The following PSMD11 variants were observed in gnomAD, a reference collection of about 807,000 sequenced individuals.
PSMD11 encodes proteasome 26S subunit, non-ATPase 11.
In PSMD11, 5 loss-of-function variants were observed where a neutral mutation model predicts 62.3. The ratio of observed to expected loss-of-function variants is 0.08; its 90% CI spans 0.04 to 0.17. PSMD11 has a LOEUF of 0.17. Among genes scored for constraint, PSMD11 ranks in the 10% least tolerant of loss-of-function variants. The probability of loss-of-function intolerance (pLI) is 1.00; values close to 1 mark genes in which losing one functional copy is unlikely to be tolerated. For missense variants in PSMD11, 310 were observed against 512.9 expected (o/e 0.60, Z 3.82); for synonymous variants, 191 against 191.8 (o/e 1.00, Z 0.03).
intron 5 of PSMD11, among the ~76,000 whole-genome samples, chr17:32,467,242 C>CT (rs751751489): frequency 0.014 from 1,657 of 120,504 alleles, 20 homozygotes; most frequent in Non-Finnish European, 0.015. Context: ...CATGCCCGGC[C>CT]TTTTTTTTTT....
intron 3 of PSMD11, among the ~76,000 whole-genome samples, chr17:32,462,517 C>T (rs1311457465): frequency 6.6e-6 from 1 of 152,126 alleles, no homozygotes; most frequent in Non-Finnish European, 1.5e-5. Flanking sequence ...CCAGGGGGCT[C>T]CAGTGAGGAG....
In PSMD11 at chr17:32,481,704, G is replaced by A. The variant is rs1908499441; in HGVS notation, c.*952G>A. On this transcript the variant is annotated 3_prime_UTR_variant, in exon 14 of 14. Transcript: ENST00000261712. Reference sequence around the variant, plus strand: ...GTCAGGCTGTCTGTGAAAGCCATGAGCTTCTCTCCCTCTCCCACTCCTCCT... The same window carrying A: ...GTCAGGCTGTCTGTGAAAGCCATGAACTTCTCTCCCTCTCCCACTCCTCCT... The A allele has an allele frequency of 6.6e-6, 1 of 152,088 alleles. No homozygotes were observed. Among genetic ancestry groups the A allele is most frequent in the Non-Finnish European group, 1.5e-5 (1 of 68,008 alleles). 9.4% of individuals were successfully genotyped at this position (152,088 alleles called of 1,614,324 possible). A position where few individuals can be genotyped will look rare whatever the true frequency, so the allele number is the denominator to read the frequency against.
chr17:32,467,908 G>T (rs974104812), intron 5 of PSMD11, among the ~76,000 whole-genome samples: 1 of 152,178 alleles, frequency 6.6e-6, no homozygotes, highest in African/African-American at 2.4e-5. Context: ...TTGGTGCTCA[G>T]GTGTTAAGCC....
chr17:32,447,280 T>C (rs747638158), intron 2 of PSMD11: 31 of 417,042 alleles, frequency 7.4e-5, no homozygotes, highest in Non-Finnish European at 1.1e-4. Context: ...TAGTGATTTC[T>C]GATTTGTTTC....
chr17:32,480,041 T>A, intron 11 of PSMD11, 105 bp from the exon 12 acceptor site: 2 of 1,496,362 alleles, frequency 1.3e-6, no homozygotes, highest in Non-Finnish European at 1.9e-6. Flanking sequence ...GTTGCTATTT[T>A]GTTTTCAGTC....
chr17:32,477,672 T>A, intron 9 of PSMD11, 89 bp downstream of exon 9: 3 of 1,262,636 alleles, frequency 2.4e-6, no homozygotes, highest in Non-Finnish European at 3.4e-6. Flanking sequence ...ATAATTATAG[T>A]TTCAAAAGAA....
intron 8 of PSMD11, 54 bp from the exon 9 acceptor site, chr17:32,477,467 T>C (rs1210924872): frequency 2.6e-5 from 38 of 1,467,870 alleles, no homozygotes; most frequent in Non-Finnish European, 3.5e-5. Context: ...GAGACTTGGG[T>C]AAATGTTAGT....
rs1395664554 is a variant in PSMD11 at position 32,481,178 on chromosome 17, G to A, written c.*426G>A. On this transcript the variant is annotated 3_prime_UTR_variant, in exon 14 of 14. Transcript: ENST00000261712. The stretch of plus-strand genomic sequence containing the variant: ...ATCAAAAGCAATGACTTTTTATTCT[G>A]TTTGTACTGAACCAAAACAAACAAC... 1 of 153,442 alleles carries A rather than the reference G, an allele frequency of 6.5e-6. No individual in the cohort carries two copies. Among genetic ancestry groups the A allele is most frequent in the East Asian group, 1.9e-4 (1 of 5,220 alleles). 9.5% of individuals were successfully genotyped at this position (153,442 alleles called of 1,614,324 possible).
At chr17:32,480,695 ACCT>A in intron 13 of PSMD11, 55 bp from the exon 14 acceptor site, 6 of 1,555,112 alleles carry the variant, frequency 3.9e-6, no homozygotes, top group Admixed American at 3.5e-5. Context: ...GAGACTGAAA[ACCT>A]CCTCCTGGTG....
chr17:32,455,416 C>T (rs571182013), intron 3 of PSMD11, among the ~76,000 whole-genome samples: 6 of 152,168 alleles, frequency 3.9e-5, no homozygotes, highest in South Asian at 4.2e-4. Context: ...TATTTTTTAA[C>T]GGGGAACGCA....
chr17:32,451,722 T>C lies in PSMD11; in HGVS notation c.194-2773T>C, dbSNP rs184433006. Among the ~76,000 whole-genome samples the C allele has an allele frequency of 4.5e-3, 682 of 152,114 alleles. 1 individual carries two copies. Among genetic ancestry groups the C allele is most frequent in the Non-Finnish European group, 6.9e-3 (468 of 67,978 alleles). ...GTGAACAGATTATTCCAAATTCACC[T>C]TAGTTCTCTCTGTTTTGTTTTGTTT... On this transcript the variant is annotated intron_variant, in intron 2 of 13. Coordinates refer to ENST00000261712, the MANE Select transcript of PSMD11 (RefSeq NM_002815.4).
chr17:32,480,865 T>G lies in PSMD11; in HGVS notation c.*113T>G. The G allele has an allele frequency of 2.2e-6, 1 of 454,684 alleles. No individual in the cohort carries two copies. Among genetic ancestry groups the G allele is most frequent in the South Asian group, 5.5e-5 (1 of 18,132 alleles). The allele number at this position is 454,684 out of a possible 1,614,324, so 28.2% of individuals were successfully genotyped here. On this transcript the variant is annotated 3_prime_UTR_variant, in exon 14 of 14. Coordinates refer to ENST00000261712, the MANE Select transcript of PSMD11 (RefSeq NM_002815.4). ...TTGTTCTACTTTTCGCTCGGAAAGT[T>G]TTTAAATCCTCATTTGGTGCATCTG...
At chr17:32,451,467 A>G (rs1490523196) in intron 2 of PSMD11, among the ~76,000 whole-genome samples, 2 of 152,250 alleles carry the variant, frequency 1.3e-5, no homozygotes, top group Non-Finnish European at 2.9e-5. Context: ...CTATAGAGCC[A>G]TATATTATTC....
intron 3 of PSMD11, among the ~76,000 whole-genome samples, chr17:32,463,738 T>C (rs1366740430): frequency 3.3e-5 from 5 of 152,234 alleles, no homozygotes; most frequent in Non-Finnish European, 7.3e-5. Flanking sequence ...TAATCTGTCA[T>C]AGAAATCTAC....
At chr17:32,445,076 G>C in intron 1 of PSMD11, 1 of 159,490 alleles carries the variant, frequency 6.3e-6, no homozygotes, top group Middle Eastern at 2.9e-3. Context: ...CCGGGTGGGA[G>C]CGCGAGCGCT....
intron 3 of PSMD11, among the ~76,000 whole-genome samples, chr17:32,460,558 G>C (rs906173510): frequency 3.9e-5 from 6 of 152,084 alleles, no homozygotes; most frequent in Admixed American, 2.6e-4. Flanking sequence ...CGGATTGTGA[G>C]GTTAGGAGAT....
intron 5 of PSMD11, among the ~76,000 whole-genome samples, chr17:32,466,404 T>TA (rs1403887325): frequency 6.6e-6 from 1 of 152,210 alleles, no homozygotes; most frequent in Admixed American, 6.5e-5. Flanking sequence ...GGGTATTTCT[T>TA]AAAAATGAAA....
intron 1 of PSMD11, chr17:32,445,096 C>T (rs1444226642): frequency 6.4e-6 from 1 of 157,030 alleles, no homozygotes; most frequent in Non-Finnish European, 1.4e-5. Flanking sequence ...TTGCTCTTCT[C>T]TGGGAGTTTC....
At chr17:32,450,294 G>A (rs1427946289) in intron 2 of PSMD11, among the ~76,000 whole-genome samples, 2 of 150,296 alleles carry the variant, frequency 1.3e-5, no homozygotes, top group Non-Finnish European at 3.0e-5. Flanking sequence ...TCATTCTGTT[G>A]CCCAGGCTGG....
Sources: gnomAD v4.1 joint callset for allele counts (sites outside exome capture counted in the v4.1 genomes callset) on GRCh38, gnomAD v4.1.1 for gene constraint, MANE v1.5 for transcripts, NCBI Gene and HGNC (gene_info 2026-07-23, HGNC 2026-07-21) for gene names.